ACTN1: variants seen among roughly 807,000 people sequenced by gnomAD.
ACTN1 encodes the protein alpha-actinin-1.
ACTN1 carries 30 observed loss-of-function variants against 119.6 expected under a neutral mutation model. The observed-to-expected ratio is 0.25, with a 90% CI of 0.19 to 0.34. The LOEUF (loss-of-function observed/expected upper bound fraction) is 0.34. Ranked by LOEUF, ACTN1 falls within the 10% of genes least tolerant of loss-of-function variation. The probability of loss-of-function intolerance (pLI) is 1.00; values close to 1 mark genes in which losing one functional copy is unlikely to be tolerated. For missense variants in ACTN1, 764 were observed against 1,223.4 expected (o/e 0.62, Z 5.60); for synonymous variants, 429 against 472.6 (o/e 0.91, Z 1.20).
rs951204953 is a variant in ACTN1 at position 68,907,219 on chromosome 14, G to A, written c.594+2099C>T. Among the ~76,000 whole-genome samples the A allele has an allele frequency of 1.0e-4, 14 of 135,942 alleles. No homozygotes were observed. The East Asian group carries it at 2.0e-3, about 19-fold the overall frequency. The allele number at this position is 135,942 out of a possible 152,430, so 89.2% of individuals were successfully genotyped here. A position where few individuals can be genotyped will look rare whatever the true frequency, so the allele number is the denominator to read the frequency against. On this transcript the variant is annotated intron_variant, in intron 6 of 21. Coordinates refer to ENST00000394419, the MANE Select transcript of ACTN1 (RefSeq NM_001130004.2). The stretch of plus-strand genomic sequence containing the variant: ...GGAGGTTGCAGTGAGCCAAGATCAC[G>A]CCACTGCACTCCAGCCTGGGCGACA...
At chr14:68,897,692 G>A (rs1410001149) in intron 8 of ACTN1, among the ~76,000 whole-genome samples, 1 of 152,200 alleles carries the variant, frequency 6.6e-6, no homozygotes, top group Non-Finnish European at 1.5e-5. Flanking sequence ...TCTTCCCACA[G>A]CTGTCCACTG....
intron 8 of ACTN1, among the ~76,000 whole-genome samples, chr14:68,895,838 G>A (rs141652637): frequency 5.1e-4 from 78 of 152,148 alleles, no homozygotes; most frequent in African/African-American, 1.8e-3. Flanking sequence ...CAAGAGCCTC[G>A]CCCATCCCCA....
rs777367024 is a variant in ACTN1, at chr14:68,884,791, C to T, written c.1478G>A (p.Arg493Gln). 1.2e-5 allele frequency: 19 copies of T among 1,613,738 alleles called. No homozygotes were observed. Among genetic ancestry groups the T allele is most frequent in the Non-Finnish European group, 1.6e-5 (19 of 1,179,722 alleles). ...WDNLGALTQKRREALERTEKL... is the reference protein window; with the variant it reads ...WDNLGALTQKQREALERTEKL... Reference sequence around the variant, plus strand: ...ACCTCTCACCTCCAGAGCTTCCCTTCGCTTCTGAGTTAGGGCCCCCAGATT... The same window carrying T: ...ACCTCTCACCTCCAGAGCTTCCCTTTGCTTCTGAGTTAGGGCCCCCAGATT... The change falls in exon 13 of 22, where the codon CGA becomes CAA. Residue 493 changes from arginine (R) to glutamine (Q), a missense_variant. This residue lies in a region of ACTN1 where 544 missense variants were observed against 912.0 expected (regional missense o/e 0.60). Coordinates refer to ENST00000394419, the MANE Select transcript of ACTN1 (RefSeq NM_001130004.2).
At position 68,954,693 on chromosome 14, in the gene ACTN1, G is replaced by C. The variant is rs529203918; in HGVS notation, c.105+24259C>G. The stretch of plus-strand genomic sequence containing the variant: ...CAGTTTCCTTAGGACACACTCCTGG[G>C]GGGTGAAATTACAGGGCTAAAGGGT... On this transcript the variant is annotated intron_variant, in intron 1 of 21. Coordinates refer to ENST00000394419, the MANE Select transcript of ACTN1 (RefSeq NM_001130004.2). Among the ~76,000 whole-genome samples, 16 of 152,238 alleles carry C rather than the reference G, an allele frequency of 1.1e-4. No homozygotes were observed. The East Asian group carries it at 3.1e-3, about 29-fold the overall frequency.
chr14:68,961,863 G>A (rs932906694), intron 1 of ACTN1, among the ~76,000 whole-genome samples: 2 of 152,084 alleles, frequency 1.3e-5, no homozygotes, highest in African/African-American at 4.8e-5. Flanking sequence ...CACTCCCCAC[G>A]GGAAGCATTC....
Position 68,896,711 on chromosome 14 carries a change from C to T in ACTN1, c.763-2964G>A, listed in dbSNP as rs114055590. 4.2e-3 allele frequency among the ~76,000 whole-genome samples: 641 copies of T among 152,238 alleles called. 4 individuals are homozygous for T. The highest frequency in any genetic ancestry group is 0.014 in the African/African-American group (594 of 41,526). On this transcript the variant is annotated intron_variant, in intron 8 of 21. Transcript: ENST00000394419. ...CAGAAGCAACTTCAGAAGAGAACCC[C>T]GGGAGAGACCTGGCTTCAGGCTATT...
intron 6 of ACTN1, among the ~76,000 whole-genome samples, chr14:68,907,530 C>T (rs2033738848): frequency 6.6e-6 from 1 of 152,194 alleles, no homozygotes; most frequent in Admixed American, 6.5e-5. Context: ...CGCCATTGCA[C>T]TCCAGCCTGG....
intron 21 of ACTN1, among the ~76,000 whole-genome samples, chr14:68,875,311 T>C (rs1468261342): frequency 2.6e-5 from 4 of 152,262 alleles, no homozygotes; most frequent in Non-Finnish European, 4.4e-5. Flanking sequence ...TGAATCACAC[T>C]AGTCTGCAAT....
chr14:68,876,162 A>T (rs902972816), intron 21 of ACTN1, among the ~76,000 whole-genome samples: 1 of 151,904 alleles, frequency 6.6e-6, no homozygotes, highest in Admixed American at 6.6e-5. Context: ...ACGCCCGGTT[A>T]ATTTTTTGTA....
intron 1 of ACTN1, among the ~76,000 whole-genome samples, chr14:68,942,418 G>A (rs17106638): frequency 0.27 from 41,230 of 151,824 alleles, 5,735 homozygotes; most frequent in Admixed American, 0.32. Context: ...AGGCATTAAC[G>A]GGCTGTATCT....
At chr14:68,918,726 T>C (rs1357145828) in intron 3 of ACTN1, among the ~76,000 whole-genome samples, 1 of 144,120 alleles carries the variant, frequency 6.9e-6, no homozygotes, top group Non-Finnish European at 1.5e-5. Context: ...AAATCCCATC[T>C]CTACTAAAAA....
At chr14:68,910,698 T>G (rs1171749556) in intron 4 of ACTN1, among the ~76,000 whole-genome samples, 4 of 152,158 alleles carry the variant, frequency 2.6e-5, no homozygotes, top group Non-Finnish European at 4.4e-5. Context: ...AAATCTCATC[T>G]TGAATTGTAG....
chr14:68,969,125 GA>G (rs1338692986), intron 1 of ACTN1, among the ~76,000 whole-genome samples: 2 of 152,122 alleles, frequency 1.3e-5, no homozygotes, highest in Non-Finnish European at 2.9e-5. Flanking sequence ...ATTCCTTAAA[GA>G]AACTATACAC....
In ACTN1 at chr14:68,878,328, G is replaced by T; in HGVS notation, c.2427+130C>A. On this transcript the variant is annotated intron_variant, in intron 20 of 21. Coordinates refer to ENST00000394419, the MANE Select transcript of ACTN1 (RefSeq NM_001130004.2). The surrounding 1 kb of genome is among the most constrained non-coding windows in gnomAD (Gnocchi z 4.4). ...GGAGCCATCTTCCCCAAGGACATGG[G>T]CCCTGGGGCTCCTCCAGGGAGGGCA... The T allele has an allele frequency of 7.5e-7, 1 of 1,337,452 alleles. No individual in the cohort carries two copies. The highest frequency in any genetic ancestry group is 1.0e-6 in the Non-Finnish European group (1 of 1,004,872). 82.8% of individuals were successfully genotyped at this position (1,337,452 alleles called of 1,614,324 possible). A position where few individuals can be genotyped will look rare whatever the true frequency, so the allele number is the denominator to read the frequency against.
intron 1 of ACTN1, among the ~76,000 whole-genome samples, chr14:68,929,485 C>T (rs1430115923): frequency 6.6e-6 from 1 of 152,216 alleles, no homozygotes; most frequent in Non-Finnish European, 1.5e-5. Context: ...AAGCCCTGCC[C>T]TATCTGGCCT....
intron 3 of ACTN1, among the ~76,000 whole-genome samples, chr14:68,914,234 T>A (rs1326867154): frequency 6.6e-6 from 1 of 151,858 alleles, no homozygotes. Flanking sequence ...AGTAAAGGAA[T>A]CGGCTCATAA....
chr14:68,879,938 G>C lies in ACTN1; in HGVS notation c.2280+24C>G. On this transcript the variant is annotated intron_variant, in intron 18 of 21. Coordinates refer to ENST00000394419, the MANE Select transcript of ACTN1 (RefSeq NM_001130004.2). The surrounding 1 kb of genome is among the most constrained non-coding windows in gnomAD (Gnocchi z 4.9). The stretch of plus-strand genomic sequence containing the variant: ...GGGCAGGGGTTGGGGGCTGCACTAA[G>C]AAAGCACAGGATGGGGCTCTCACCC... 3 of 1,611,860 alleles carry C rather than the reference G, an allele frequency of 1.9e-6. No homozygotes were observed. Among genetic ancestry groups the C allele is most frequent in the Non-Finnish European group, 2.5e-6 (3 of 1,178,202 alleles).
At chr14:68,929,729 C>G (rs928217102) in intron 1 of ACTN1, among the ~76,000 whole-genome samples, 1 of 152,216 alleles carries the variant, frequency 6.6e-6, no homozygotes, top group Non-Finnish European at 1.5e-5. Context: ...TGTCTGCACT[C>G]CACCTGCCCC....
At chr14:68,889,873 T>C (rs1272904065) in intron 11 of ACTN1, among the ~76,000 whole-genome samples, 2 of 152,208 alleles carry the variant, frequency 1.3e-5, no homozygotes, top group African/African-American at 4.8e-5. Flanking sequence ...AGCACTGCAC[T>C]ATGCAGGAAC....
Sources: allele counts gnomAD v4.1 joint callset (sites outside exome capture counted in the v4.1 genomes callset), GRCh38; gene constraint gnomAD v4.1.1; regional missense constraint gnomAD v4.1.1; non-coding constraint Gnocchi (gnomAD v3.1); transcripts MANE v1.5; gene names NCBI Gene and HGNC (gene_info 2026-07-23, HGNC 2026-07-21).